The following BRINP2 variants were observed in gnomAD, a reference collection of about 807,000 sequenced individuals.
The protein encoded by BRINP2 is BMP/retinoic acid inducible neural specific 2.
A neutral mutation model predicts 69.2 loss-of-function variants in BRINP2; 21 were observed. The observed-to-expected ratio is 0.30, with a 90% CI of 0.22 to 0.44. The LOEUF (loss-of-function observed/expected upper bound fraction) is 0.44, where lower values mean the gene tolerates loss of function less well. Among genes scored for constraint, BRINP2 ranks in the 20% least tolerant of loss-of-function variants. The pLI is 1.00. For missense variants in BRINP2, 877 were observed against 986.0 expected, an observed-to-expected ratio of 0.89 and a Z score of 1.48; for synonymous variants, 380 against 394.1, an observed-to-expected ratio of 0.96 and a Z score of 0.42.
chr1:177,253,231 ACAGC>A lies in BRINP2; in HGVS notation c.270-2685_270-2682del, dbSNP rs552368216. On this transcript the variant is annotated intron_variant, in intron 2 of 7. Coordinates refer to ENST00000361539, the MANE Select transcript of BRINP2 (RefSeq NM_021165.4). ...TTTGTTATTTTCTGTCTTTTTGATA[ACAGC>A]CATTCTAACTAGGGTGAGGTGACAT... is the stretch of plus-strand genomic sequence containing the variant. 3.3e-5 allele frequency among the ~76,000 whole-genome samples: 5 copies of A among 152,160 alleles called. No homozygotes were observed. In the South Asian group the frequency reaches 1.0e-3, roughly 32 times the overall value.
chr1:177,203,466 C>T (rs904174585), intron 1 of BRINP2, among the ~76,000 whole-genome samples: 2 of 151,572 alleles, frequency 1.3e-5, no homozygotes, highest in African/African-American at 2.4e-5. Context: ...TATCCTAAAA[C>T]TTAAAGTATA....
At chr1:177,208,999 G>C (rs1649147550) in intron 1 of BRINP2, among the ~76,000 whole-genome samples, 1 of 152,112 alleles carries the variant, frequency 6.6e-6, no homozygotes, top group South Asian at 2.1e-4. Context: ...GCATCACCAA[G>C]AGTGAGGCTT....
chr1:177,172,431 G>T (rs984780347), intron 1 of BRINP2, among the ~76,000 whole-genome samples: 1 of 152,118 alleles, frequency 6.6e-6, no homozygotes, highest in African/African-American at 2.4e-5. Flanking sequence ...GTACACTGTC[G>T]AATGCTGCCT....
intron 1 of BRINP2, among the ~76,000 whole-genome samples, chr1:177,181,918 C>T (rs1214112627): frequency 6.6e-6 from 1 of 152,240 alleles, no homozygotes; most frequent in Admixed American, 6.5e-5. Flanking sequence ...GATTCTTGCC[C>T]CGGAGGTTGC....
At chr1:177,243,139 A>G (rs1480825302) in intron 2 of BRINP2, among the ~76,000 whole-genome samples, 2 of 152,192 alleles carry the variant, frequency 1.3e-5, no homozygotes, top group Admixed American at 6.5e-5. Flanking sequence ...AAAAAAAAAG[A>G]ATGAGAAATC....
At chr1:177,241,752 C>T (rs1436406867) in intron 2 of BRINP2, among the ~76,000 whole-genome samples, 2 of 152,214 alleles carry the variant, frequency 1.3e-5, no homozygotes, top group African/African-American at 4.8e-5. Context: ...GCATTTCCCT[C>T]TCCCCAGACT....
chr1:177,181,617 A>G (rs1215376354), intron 1 of BRINP2, among the ~76,000 whole-genome samples: 3 of 152,188 alleles, frequency 2.0e-5, no homozygotes, highest in Non-Finnish European at 2.9e-5. Context: ...CGCAGTGAGG[A>G]CTGTGGGGGC....
At chr1:177,177,268 G>A (rs565245510) in intron 1 of BRINP2, among the ~76,000 whole-genome samples, 6 of 151,874 alleles carry the variant, frequency 4.0e-5, no homozygotes, top group Admixed American at 2.0e-4. Flanking sequence ...GCAACAGAGC[G>A]AGACTCTTTA....
At chr1:177,197,586 C>G (rs1388750061) in intron 1 of BRINP2, among the ~76,000 whole-genome samples, 1 of 152,186 alleles carries the variant, frequency 6.6e-6, no homozygotes, top group East Asian at 1.9e-4. Flanking sequence ...AGGAAACAAA[C>G]TGTGGTAGGC....
chr1:177,258,010 AG>A (rs1322381061), intron 4 of BRINP2, among the ~76,000 whole-genome samples: 1 of 152,234 alleles, frequency 6.6e-6, no homozygotes, highest in African/African-American at 2.4e-5. Flanking sequence ...GGCTGGAGCC[AG>A]GTTATGTGCC....
intron 4 of BRINP2, among the ~76,000 whole-genome samples, chr1:177,261,130 T>C (rs775274048): frequency 2.6e-5 from 4 of 151,456 alleles, no homozygotes; most frequent in Admixed American, 1.3e-4. Context: ...CAGGGCAGTG[T>C]ACTTTGTATG....
chr1:177,208,885 A>G (rs529452928), intron 1 of BRINP2, among the ~76,000 whole-genome samples: 4 of 152,204 alleles, frequency 2.6e-5, no homozygotes, highest in Non-Finnish European at 5.9e-5. Context: ...GGGTGTGTTG[A>G]TGGTACCCAG....
intron 1 of BRINP2, among the ~76,000 whole-genome samples, chr1:177,205,870 A>G (rs1249747045): frequency 6.6e-6 from 1 of 152,180 alleles, no homozygotes; most frequent in East Asian, 1.9e-4. Flanking sequence ...AATACTCGTT[A>G]GTTCCTGGTA....
intron 1 of BRINP2, among the ~76,000 whole-genome samples, chr1:177,213,415 C>G (rs1649284250): frequency 1.3e-5 from 2 of 152,060 alleles, no homozygotes; most frequent in Non-Finnish European, 2.9e-5. Context: ...CAAAATCACC[C>G]CTTCTCCTTC....
intron 2 of BRINP2, among the ~76,000 whole-genome samples, chr1:177,252,376 G>GA (rs1650610184): frequency 6.6e-6 from 1 of 152,012 alleles, no homozygotes; most frequent in South Asian, 2.1e-4. Context: ...TAGATGGTGG[G>GA]ATTTATGCCT....
At chr1:177,266,602 AC>A (rs1220840661) in intron 4 of BRINP2, among the ~76,000 whole-genome samples, 92 of 151,358 alleles carry the variant, frequency 6.1e-4, no homozygotes, top group African/African-American at 2.2e-3. Flanking sequence ...TACTAAAAAT[AC>A]CAAAAAATTA....
At chr1:177,173,930 A>G (rs903027181) in intron 1 of BRINP2, among the ~76,000 whole-genome samples, 5 of 152,064 alleles carry the variant, frequency 3.3e-5, no homozygotes, top group Non-Finnish European at 5.9e-5. Flanking sequence ...TGTTTTCCCC[A>G]CTGCGCAGTG....
intron 1 of BRINP2, among the ~76,000 whole-genome samples, chr1:177,185,424 G>A (rs1033021783): frequency 3.9e-5 from 6 of 152,188 alleles, no homozygotes; most frequent in African/African-American, 7.2e-5. Flanking sequence ...ACCACCTACA[G>A]GAGGAGGGTG....
At chr1:177,224,465 A>T (rs2102321204) in intron 1 of BRINP2, among the ~76,000 whole-genome samples, 1 of 152,330 alleles carries the variant, frequency 6.6e-6, no homozygotes, top group African/African-American at 2.4e-5. Context: ...TTTGCATAGA[A>T]TTATGGAATA....
Sources: gnomAD v4.1 joint callset for allele counts (sites outside exome capture counted in the v4.1 genomes callset) on GRCh38, gnomAD v4.1.1 for gene constraint, MANE v1.5 for transcripts, NCBI Gene and HGNC (gene_info 2026-07-23, HGNC 2026-07-21) for gene names.